WWOX: variants seen among roughly 807,000 people sequenced by gnomAD.
The protein encoded by WWOX is WW domain-containing oxidoreductase.
In WWOX, 69 loss-of-function variants were observed where a neutral mutation model predicts 46.2. That is an observed-to-expected ratio of 1.49 (90% CI 1.23 to 1.82). The LOEUF is 1.82. Among genes scored for constraint, WWOX ranks in the 40% most tolerant of loss-of-function variants. The pLI, the probability that WWOX is intolerant of heterozygous loss-of-function variation, is 0.00. For missense variants in WWOX, 919 were observed against 542.6 expected, an observed-to-expected ratio of 1.69 and a Z score of -6.89; for synonymous variants, 359 against 202.6, an observed-to-expected ratio of 1.77 and a Z score of -6.56.
chr16:78,559,413 G>T (rs866493363), intron 8 of WWOX, among the ~76,000 whole-genome samples: 10 of 152,156 alleles, frequency 6.6e-5, no homozygotes, highest in Non-Finnish European at 1.0e-4. Context: ...ACTGAGTGTC[G>T]AGGAGCAAGT....
intron 8 of WWOX, among the ~76,000 whole-genome samples, chr16:78,515,474 G>A (rs759682655): frequency 6.6e-6 from 1 of 152,112 alleles, no homozygotes; most frequent in African/African-American, 2.4e-5. Context: ...TATTTCTAAT[G>A]GTTTGCTTGG....
At chr16:78,485,020 C>T (rs1330403487) in intron 8 of WWOX, among the ~76,000 whole-genome samples, 1 of 152,066 alleles carries the variant, frequency 6.6e-6, no homozygotes, top group African/African-American at 2.4e-5. Flanking sequence ...ATGAGGTTCC[C>T]TTAGAACCAA....
At chr16:78,402,605 C>T (rs1597172092) in intron 6 of WWOX, among the ~76,000 whole-genome samples, 1 of 152,060 alleles carries the variant, frequency 6.6e-6, no homozygotes, top group African/African-American at 2.4e-5. Flanking sequence ...TTCCCTGGGA[C>T]GTGCCTGGTA....
chr16:79,187,649 G>A (rs901585895), intron 8 of WWOX, among the ~76,000 whole-genome samples: 1 of 151,804 alleles, frequency 6.6e-6, no homozygotes, highest in Non-Finnish European at 1.5e-5. Context: ...TCAAGTGATC[G>A]GCCTGCCTCA....
chr16:78,933,993 G>A (rs574599196), intron 8 of WWOX, among the ~76,000 whole-genome samples: 9 of 151,936 alleles, frequency 5.9e-5, no homozygotes, highest in East Asian at 5.8e-4. Context: ...GGAGTTTGGG[G>A]CTAGCCGAGG....
chr16:78,148,370 T>A (rs1405676862), intron 4 of WWOX, among the ~76,000 whole-genome samples: 1 of 152,106 alleles, frequency 6.6e-6, no homozygotes, highest in Admixed American at 6.5e-5. Flanking sequence ...GAACATGAAC[T>A]TGGGCCAGAC....
chr16:79,110,489 C>T (rs189202443), intron 8 of WWOX, among the ~76,000 whole-genome samples: 4 of 152,116 alleles, frequency 2.6e-5, no homozygotes, highest in Admixed American at 2.6e-4. Context: ...GCTGTTCTCT[C>T]TGCTAGAATA....
At chr16:79,143,321 A>G (rs1221096640) in intron 8 of WWOX, among the ~76,000 whole-genome samples, 1 of 152,228 alleles carries the variant, frequency 6.6e-6, no homozygotes, top group Admixed American at 6.5e-5. Context: ...CGCCTAACAC[A>G]TTAAATGTAT....
chr16:78,367,524 C>G (rs72796007), intron 5 of WWOX, among the ~76,000 whole-genome samples: 1 of 151,992 alleles, frequency 6.6e-6, no homozygotes, highest in Admixed American at 6.6e-5. Flanking sequence ...AGATTGGACA[C>G]CCTGGGAATA....
intron 8 of WWOX, among the ~76,000 whole-genome samples, chr16:78,819,498 C>T (rs1441341055): frequency 1.3e-5 from 2 of 152,214 alleles, no homozygotes; most frequent in Admixed American, 1.3e-4. Context: ...GCATAATCCA[C>T]CACTTAATTT....
At chr16:78,387,090 A>G in intron 6 of WWOX, 142 bp downstream of exon 6, 1 of 794,818 alleles carries the variant, frequency 1.3e-6, no homozygotes, top group Non-Finnish European at 2.1e-6. Context: ...GGCCCTGTTA[A>G]GGTGAACCGT....
At chr16:79,081,111 C>G (rs2048752553) in intron 8 of WWOX, among the ~76,000 whole-genome samples, 1 of 152,160 alleles carries the variant, frequency 6.6e-6, no homozygotes, top group East Asian at 1.9e-4. Flanking sequence ...GTTTCCATCC[C>G]CTGTGTGGAG....
At chr16:78,545,140 C>CTT (rs2043997798) in intron 8 of WWOX, among the ~76,000 whole-genome samples, 1 of 152,218 alleles carries the variant, frequency 6.6e-6, no homozygotes, top group African/African-American at 2.4e-5. Flanking sequence ...TCCCTCAGCA[C>CTT]TTTAGGACTG....
chr16:78,141,779 G>A (rs1223658331), intron 4 of WWOX, among the ~76,000 whole-genome samples: 1 of 151,910 alleles, frequency 6.6e-6, no homozygotes, highest in African/African-American at 2.4e-5. Context: ...AAATTTATCA[G>A]TGTGTAATTA....
chr16:78,905,386 T>C (rs1201906412), intron 8 of WWOX, among the ~76,000 whole-genome samples: 1 of 152,110 alleles, frequency 6.6e-6, no homozygotes, highest in Non-Finnish European at 1.5e-5. Flanking sequence ...GAATTCTTAT[T>C]TATTTATTTT....
At chr16:78,624,549 G>C (rs970138146) in intron 8 of WWOX, among the ~76,000 whole-genome samples, 2 of 152,004 alleles carry the variant, frequency 1.3e-5, no homozygotes, top group African/African-American at 4.8e-5. Context: ...ATTTTTGGCT[G>C]TTTCTGTATA....
At chr16:78,821,273 C>T (rs1191859523) in intron 8 of WWOX, among the ~76,000 whole-genome samples, 1 of 152,130 alleles carries the variant, frequency 6.6e-6, no homozygotes, top group Non-Finnish European at 1.5e-5. Context: ...AGTGAGGAAA[C>T]TGAGGCACAG....
intron 5 of WWOX, among the ~76,000 whole-genome samples, chr16:78,201,027 A>G (rs530474919): frequency 6.6e-6 from 1 of 152,358 alleles, no homozygotes; most frequent in South Asian, 2.1e-4. Context: ...TATAAGGAAC[A>G]TAGAGCTGAA....
At chr16:78,928,389 A>C (rs569694222) in intron 8 of WWOX, among the ~76,000 whole-genome samples, 61 of 151,712 alleles carry the variant, frequency 4.0e-4, no homozygotes, top group African/African-American at 1.4e-3. Context: ...TTTTTAGTAG[A>C]GACGGGGTTT....
Sources: gnomAD v4.1 joint callset for allele counts (sites outside exome capture counted in the v4.1 genomes callset) on GRCh38, gnomAD v4.1.1 for gene constraint, MANE v1.5 for transcripts, NCBI Gene and HGNC (gene_info 2026-07-23, HGNC 2026-07-21) for gene names.